Variants in LRRK2 observed in about 807,000 individuals in gnomAD.
LRRK2 encodes the protein leucine-rich repeat serine/threonine-protein kinase 2.
LRRK2 carries 203 observed loss-of-function variants against 302.6 expected under a neutral mutation model. The ratio of observed to expected loss-of-function variants is 0.67; its 90% CI spans 0.60 to 0.75. LRRK2 has a LOEUF of 0.75. Ranked by LOEUF, LRRK2 falls within the 30% of genes least tolerant of loss-of-function variation. The pLI, the probability that LRRK2 is intolerant of heterozygous loss-of-function variation, is 0.00. For missense variants in LRRK2, 2,830 were observed against 2,951.0 expected (o/e 0.96, Z 0.95); for synonymous variants, 1,066 against 1,031.9 (o/e 1.03, Z -0.63).
chr12:40,299,309 G>C (rs1318610111), intron 25 of LRRK2, 52 bp downstream of exon 25: 1 of 1,591,384 alleles, frequency 6.3e-7, no homozygotes, highest in African/African-American at 1.3e-5. Flanking sequence ...AGTTGTACAA[G>C]ATGAGTCATA....
intron 47 of LRRK2, among the ~76,000 whole-genome samples, chr12:40,359,893 A>G (rs1946653941): frequency 6.6e-6 from 1 of 152,178 alleles, no homozygotes; most frequent in African/African-American, 2.4e-5. Flanking sequence ...TCTAGATTTG[A>G]TAATTATACA....
rs12308467 is a variant in LRRK2, at chr12:40,308,032, G to A, written c.3960-435G>A. ...CCTGACCTCATGATCCGCCCACCTC[G>A]GCCTCCCAAAATGCAGGGATTACAG... On this transcript the variant is annotated intron_variant, in intron 28 of 50. Coordinates refer to ENST00000298910, the MANE Select transcript of LRRK2 (RefSeq NM_198578.4). Among the ~76,000 whole-genome samples, 922 of 151,810 alleles carry A rather than the reference G, an allele frequency of 6.1e-3. 5 individuals are homozygous for A. The highest frequency in any genetic ancestry group is 0.021 in the African/African-American group (865 of 41,424).
Position 40,363,495 on chromosome 12 carries a change from A to G in LRRK2, c.7122A>G (p.Glu2374=). The change falls in exon 48 of 51, where the codon GAA becomes GAG. Residue 2374 remains glutamate, a synonymous_variant. Transcript: ENST00000298910. ...YIAKQNSPVV[E]VWDKKTEKLC... is the part of the protein sequence containing the mutation. ...CTAAGCAAAATAGCCCTGTTGTGGA[A>G]GTGTGGGATAAGAAAACTGAAAAAC... 6.2e-7 allele frequency: 1 copy of G among 1,612,116 alleles called. No individual in the cohort carries two copies. Among genetic ancestry groups the G allele is most frequent in the Non-Finnish European group, 8.5e-7 (1 of 1,178,736 alleles).
intron 25 of LRRK2, among the ~76,000 whole-genome samples, chr12:40,302,134 C>A (rs1054920951): frequency 1.3e-5 from 2 of 151,968 alleles, no homozygotes; most frequent in Non-Finnish European, 2.9e-5. Flanking sequence ...GCTGAGATCA[C>A]GCTACTGCAC....
At chr12:40,352,261 C>A (rs76824218) in intron 44 of LRRK2, among the ~76,000 whole-genome samples, 2 of 152,126 alleles carry the variant, frequency 1.3e-5, no homozygotes, top group African/African-American at 4.8e-5. Flanking sequence ...AATAGCACAT[C>A]TCTGAACTAT....
chr12:40,355,963 G>A (rs776237073), intron 45 of LRRK2, 152 bp from the exon 46 acceptor site: 14 of 607,038 alleles, frequency 2.3e-5, no homozygotes, highest in African/African-American at 3.7e-5. Context: ...ATAATTCCAA[G>A]TCTTCTAAAG....
At chr12:40,246,732 G>T (rs549338403) in intron 7 of LRRK2, among the ~76,000 whole-genome samples, 2 of 152,218 alleles carry the variant, frequency 1.3e-5, no homozygotes, top group East Asian at 3.9e-4. Context: ...TATGATCCAG[G>T]CTTAATATGG....
In LRRK2 at chr12:40,295,663, T is replaced by G. The variant is rs757088650; in HGVS notation, c.3096+19T>G. ...ATGTGAAGTAAATTTAATTTATCCT[T>G]GTAACTTTCAAGACATTTGAAGAGC... On this transcript the variant is annotated intron_variant, in intron 23 of 50. Transcript: ENST00000298910. 5 of 1,606,056 alleles carry G rather than the reference T, an allele frequency of 3.1e-6. No individual in the cohort carries two copies. In the East Asian group the frequency reaches 1.1e-4, roughly 36 times the overall value.
intron 2 of LRRK2, among the ~76,000 whole-genome samples, chr12:40,227,266 G>T (rs1233924526): frequency 3.3e-5 from 5 of 152,134 alleles, no homozygotes; most frequent in African/African-American, 4.8e-5. Context: ...TCAAATCAGG[G>T]TAACTGGAAT....
At position 40,235,629 on chromosome 12, in the gene LRRK2, G is replaced by T; in HGVS notation, c.351G>T (p.Leu117Phe). The T allele has an allele frequency of 6.3e-7, 1 of 1,595,888 alleles. No homozygotes were observed. The highest frequency in any genetic ancestry group is 8.6e-7 in the Non-Finnish European group (1 of 1,163,568). ...NDWEVLGVHQ[L>F]ILKMLTVHNA... ...TGATTTCTGTTTTTAACTCCAGATT[G>T]ATTCTTAAAATGCTAACAGTTCATA... The change falls in exon 4 of 51, where the codon TTG becomes TTT. Residue 117 changes from leucine (L) to phenylalanine (F), a missense_variant. Leu to Phe is a conservative substitution (Grantham distance 22, BLOSUM62 0). This residue lies in a region of LRRK2 where 2,121 missense variants were observed against 2,148.0 expected (regional missense o/e 0.99). Transcript: ENST00000298910.
chr12:40,283,837 G>T, intron 18 of LRRK2, 38 bp from the exon 19 acceptor site: 1 of 1,554,642 alleles, frequency 6.4e-7, no homozygotes, highest in Non-Finnish European at 8.8e-7. Context: ...GAAGAAAAAT[G>T]TAGATTTTTA....
chr12:40,331,366 G>T (rs903499922), intron 39 of LRRK2, among the ~76,000 whole-genome samples: 3 of 152,146 alleles, frequency 2.0e-5, no homozygotes, highest in Non-Finnish European at 4.4e-5. Context: ...TCACTGCTGA[G>T]ACCATACCTG....
intron 28 of LRRK2, among the ~76,000 whole-genome samples, chr12:40,306,930 T>G (rs1033990892): frequency 6.6e-6 from 1 of 152,088 alleles, no homozygotes; most frequent in African/African-American, 2.4e-5. Context: ...ACCCAATTAT[T>G]TTTCTCTCTT....
In LRRK2 at chr12:40,249,845, G is replaced by A; in HGVS notation, c.858G>A (p.Leu286=). The A allele has an allele frequency of 6.2e-7, 1 of 1,613,680 alleles. No homozygotes were observed. Among genetic ancestry groups the A allele is most frequent in the Non-Finnish European group, 8.5e-7 (1 of 1,179,742 alleles). The change falls in exon 8 of 51, where the codon CTG becomes CTA. Residue 286 remains leucine (L), a synonymous_variant. Coordinates refer to ENST00000298910, the MANE Select transcript of LRRK2 (RefSeq NM_198578.4). Reference sequence around the variant, plus strand: ...TTTTAGGTAATTTTTTCAATATCCTGGTATTAAACGAAGTCCATGAGTTTG... The same window carrying A: ...TTTTAGGTAATTTTTTCAATATCCTAGTATTAAACGAAGTCCATGAGTTTG... ...RLTLGNFFNI[L]VLNEVHEFVV... is the part of the protein sequence containing the mutation.
intron 2 of LRRK2, among the ~76,000 whole-genome samples, chr12:40,229,705 C>A (rs911510753): frequency 6.6e-6 from 1 of 152,100 alleles, no homozygotes; most frequent in Non-Finnish European, 1.5e-5. Flanking sequence ...TGTAACTGTG[C>A]AAGATGGGAA....
intron 14 of LRRK2, among the ~76,000 whole-genome samples, chr12:40,271,221 A>G (rs1455277366): frequency 3.3e-5 from 5 of 152,206 alleles, no homozygotes; most frequent in Non-Finnish European, 7.3e-5. Flanking sequence ...GCCATTACTC[A>G]TAGACAAGGG....
intron 18 of LRRK2, among the ~76,000 whole-genome samples, chr12:40,281,464 G>T (rs1943694221): frequency 6.6e-6 from 1 of 152,160 alleles, no homozygotes; most frequent in South Asian, 2.1e-4. Context: ...TTATAAATTA[G>T]ATGATCAGAG....
chr12:40,299,632 C>A (rs1447748875), intron 25 of LRRK2, among the ~76,000 whole-genome samples: 1 of 151,964 alleles, frequency 6.6e-6, no homozygotes, highest in Non-Finnish European at 1.5e-5. Flanking sequence ...GGCAGTGAAA[C>A]TGTTTTGTAT....
chr12:40,320,991 T>C, intron 34 of LRRK2, 43 bp from the exon 35 acceptor site: 18 of 1,606,628 alleles, frequency 1.1e-5, no homozygotes, highest in Admixed American at 1.7e-5. Context: ...CAAGGTTGGG[T>C]GTTTTGTGAG....
Sources: gnomAD v4.1 joint callset for allele counts (sites outside exome capture counted in the v4.1 genomes callset) on GRCh38, gnomAD v4.1.1 for gene constraint, gnomAD v4.1.1 regional missense constraint, MANE v1.5 for transcripts, NCBI Gene and HGNC (gene_info 2026-07-23, HGNC 2026-07-21) for gene names.